THBS4: variants seen among roughly 807,000 people sequenced by gnomAD.
The protein encoded by THBS4 is thrombospondin 4.
Under a neutral mutation model 115.7 loss-of-function variants are expected in THBS4, and 90 were observed. The observed-to-expected ratio is 0.78, with a 90% CI of 0.66 to 0.93. THBS4 has a LOEUF of 0.93. THBS4 is among the 40% of genes least tolerant of loss of function. The probability of loss-of-function intolerance (pLI) is 0.00; values close to 1 mark genes in which losing one functional copy is unlikely to be tolerated. For synonymous variants in THBS4, 460 were observed against 479.3 expected, an observed-to-expected ratio of 0.96 and a Z score of 0.53; for missense variants, 1,087 against 1,232.7, an observed-to-expected ratio of 0.88 and a Z score of 1.77.
At chr5:80,077,853 T>C (rs751302806) in intron 16 of THBS4, among the ~76,000 whole-genome samples, 196 bp from the exon 17 acceptor site, 1 of 152,110 alleles carries the variant, frequency 6.6e-6, no homozygotes, top group Non-Finnish European at 1.5e-5. Flanking sequence ...GGTCACCCAG[T>C]ACAAGGACTC....
upstream of THBS4, among the ~76,000 whole-genome samples, chr5:80,034,714 G>C (rs970759392): frequency 2.6e-5 from 4 of 152,204 alleles, no homozygotes; most frequent in Admixed American, 2.6e-4. Context: ...TGTCTGGATG[G>C]ATTCCTTGAG....
chr5:80,031,944 A>G (rs1438495709), upstream of THBS4, among the ~76,000 whole-genome samples: 2 of 152,214 alleles, frequency 1.3e-5, no homozygotes, highest in African/African-American at 2.4e-5. Flanking sequence ...AGTCAATTCA[A>G]TGATATATTT....
chr5:80,055,636 TG>T, intron 2 of THBS4, 148 bp from the exon 3 acceptor site: 1 of 1,096,588 alleles, frequency 9.1e-7, no homozygotes, highest in Non-Finnish European at 1.3e-6. Flanking sequence ...TCAATATTTG[TG>T]GTTATTTCTC....
intron 3 of THBS4, among the ~76,000 whole-genome samples, chr5:80,057,120 A>T (rs17880078): frequency 0.02 from 3,020 of 152,324 alleles, 111 homozygotes; most frequent in African/African-American, 0.066. Flanking sequence ...GAAAAAAATT[A>T]ATAGAAAGAT....
intron 15 of THBS4, among the ~76,000 whole-genome samples, chr5:80,075,741 C>A (rs536366707): frequency 6.6e-6 from 1 of 152,334 alleles, no homozygotes; most frequent in South Asian, 2.1e-4. Context: ...TAAAAATGTT[C>A]AGGGCTACAT....
At chr5:80,056,883 T>C (rs1478469056) in intron 3 of THBS4, among the ~76,000 whole-genome samples, 1 of 152,208 alleles carries the variant, frequency 6.6e-6, no homozygotes, top group African/African-American at 2.4e-5. Flanking sequence ...CTCTGAGCCC[T>C]TTGTACAGAG....
chr5:80,003,223 T>C (rs80040435), intron 2 of THBS4, among the ~76,000 whole-genome samples: 1,863 of 152,288 alleles, frequency 0.012, 50 homozygotes, highest in African/African-American at 0.04. Context: ...TCTGGAGTTA[T>C]TCCTTATACC....
intron 2 of THBS4, among the ~76,000 whole-genome samples, chr5:80,045,586 A>G (rs1833038055): frequency 6.7e-6 from 1 of 148,164 alleles, no homozygotes; most frequent in East Asian, 2.0e-4. Context: ...GTTGGAGTGC[A>G]ATGGCGCGAT....
At chr5:80,038,720 C>G (rs1832796032) in intron 1 of THBS4, among the ~76,000 whole-genome samples, 1 of 152,110 alleles carries the variant, frequency 6.6e-6, no homozygotes, top group Non-Finnish European at 1.5e-5. Context: ...ATTCTTGTAC[C>G]TAAATCATTT....
At position 80,040,145 on chromosome 5, in the gene THBS4, C is replaced by T; in HGVS notation, c.157C>T (p.Pro53Ser). 1 of 1,614,118 alleles carries T rather than the reference C, an allele frequency of 6.2e-7. No homozygotes were observed. The highest frequency in any genetic ancestry group is 8.5e-7 in the Non-Finnish European group (1 of 1,180,034). The change falls in exon 2 of 22, where the codon CCC (proline) becomes TCC (serine). Residue 53 changes from proline (P) to serine (S), a missense_variant. Physicochemically the swap from Pro to Ser is moderately conservative, Grantham distance 74. Around this residue, in one of 3 missense-constraint regions of THBS4, gnomAD observed 979 missense variants for 1,103.7 expected, o/e 0.89. Coordinates refer to ENST00000350881, the MANE Select transcript of THBS4 (RefSeq NM_003248.6). The stretch of plus-strand genomic sequence containing the variant: ...CGCTCTGCTGCCAGTCCTGACAGAC[C>T]CCGCCCTGAATGATCTCTATGTGAT... ...PGALLPVLTDPALNDLYVIST... is the reference protein window; with the variant it reads ...PGALLPVLTDSALNDLYVIST...
At chr5:80,070,206 TC>T in intron 10 of THBS4, 99 bp from the exon 11 acceptor site, 1 of 954,544 alleles carries the variant, frequency 1.0e-6, no homozygotes, top group Non-Finnish European at 1.6e-6. Context: ...CTCTGGGCCC[TC>T]CCCCTGGGAT....
At chr5:80,011,739 AC>A (rs1832130298) in intron 2 of THBS4, among the ~76,000 whole-genome samples, 1 of 152,202 alleles carries the variant, frequency 6.6e-6, no homozygotes. Flanking sequence ...CTGAGGACAC[AC>A]GTCCAACCTG....
At chr5:80,058,167 A>G in intron 3 of THBS4, 39 bp from the exon 4 acceptor site, 4 of 1,498,902 alleles carry the variant, frequency 2.7e-6, no homozygotes, top group Non-Finnish European at 3.6e-6. Flanking sequence ...GCTTTTGAAC[A>G]GTGTCAGCAA....
At chr5:80,014,009 CTA>C (rs1233982918) in intron 2 of THBS4, among the ~76,000 whole-genome samples, 8 of 152,170 alleles carry the variant, frequency 5.3e-5, no homozygotes, top group African/African-American at 1.9e-4. Context: ...CAGCTCTTGG[CTA>C]TGTCTCCTTG....
intron 2 of THBS4, among the ~76,000 whole-genome samples, chr5:80,024,857 A>T (rs1043006129): frequency 3.9e-5 from 6 of 152,226 alleles, no homozygotes; most frequent in Non-Finnish European, 2.9e-5. Flanking sequence ...CATTGATTAG[A>T]CATTCACTCT....
In THBS4 at chr5:80,079,970, C is replaced by T. The variant is rs200712938; in HGVS notation, c.2577C>T (p.Thr859=). 5.9e-5 allele frequency: 96 copies of T among 1,614,058 alleles called. No individual in the cohort carries two copies. The East Asian group carries it at 2.1e-3, about 35-fold the overall frequency. Residue 859 remains threonine, a synonymous_variant, in exon 20 of 22, where the codon ACC becomes ACT. Transcript: ENST00000350881. ...ACTCCCTGTGGCACACGGGGGACAC[C>T]AGTGACCAGGTCAGGCTGCTGTGGA... ...LRNSLWHTGD[T]SDQVRLLWKD...
At chr5:79,995,829 G>T (rs1831781058) in intron 1 of THBS4, among the ~76,000 whole-genome samples, 1 of 152,036 alleles carries the variant, frequency 6.6e-6, no homozygotes, top group African/African-American at 2.4e-5. Context: ...AGAGATTGGG[G>T]CTTTAAAAAG....
intron 2 of THBS4, among the ~76,000 whole-genome samples, chr5:80,050,571 T>G (rs1484973940): frequency 6.6e-6 from 1 of 152,162 alleles, no homozygotes; most frequent in African/African-American, 2.4e-5. Context: ...TTGGAGGTAT[T>G]TGGGGAGCAA....
intron 2 of THBS4, among the ~76,000 whole-genome samples, chr5:80,028,665 G>A (rs1454485334): frequency 6.6e-6 from 1 of 151,908 alleles, no homozygotes; most frequent in African/African-American, 2.4e-5. Flanking sequence ...CACCATGTTG[G>A]CCAGGCTGGT....
Sources: allele counts gnomAD v4.1 joint callset (sites outside exome capture counted in the v4.1 genomes callset), GRCh38; gene constraint gnomAD v4.1.1; regional missense constraint gnomAD v4.1.1; transcripts MANE v1.5; gene names NCBI Gene and HGNC (gene_info 2026-07-23, HGNC 2026-07-21).